Variants in PRKG1 observed in about 807,000 individuals in gnomAD.
The protein encoded by PRKG1 is cGMP-dependent protein kinase 1.
A neutral mutation model predicts 88.1 loss-of-function variants in PRKG1; 35 were observed. The observed-to-expected ratio is 0.40, with a 90% CI of 0.30 to 0.53. PRKG1 has a LOEUF of 0.53. Ranked by LOEUF, PRKG1 falls within the 20% of genes least tolerant of loss-of-function variation. The pLI, the probability that PRKG1 is intolerant of heterozygous loss-of-function variation, is 0.59. For synonymous variants in PRKG1, 303 were observed against 292.5 expected, an observed-to-expected ratio of 1.04 and a Z score of -0.37; for missense variants, 540 against 839.8, an observed-to-expected ratio of 0.64 and a Z score of 4.41.
chr10:51,191,419 A>C (rs1467706318), intron 2 of PRKG1, among the ~76,000 whole-genome samples: 1 of 151,864 alleles, frequency 6.6e-6, no homozygotes, highest in Non-Finnish European at 1.5e-5. Context: ...GTTTGTGGTG[A>C]AGAATAAATG....
chr10:51,872,815 T>C (rs1841193899), intron 4 of PRKG1, among the ~76,000 whole-genome samples: 1 of 152,176 alleles, frequency 6.6e-6, no homozygotes, highest in East Asian at 1.9e-4. Context: ...GTAAACCATA[T>C]GAAATTATTG....
At chr10:51,581,569 G>A (rs778485273) in intron 3 of PRKG1, among the ~76,000 whole-genome samples, 2 of 152,078 alleles carry the variant, frequency 1.3e-5, no homozygotes, top group Non-Finnish European at 2.9e-5. Context: ...AGGAATCTTG[G>A]TGATGTGAAA....
chr10:51,745,114 T>C (rs1837543240), intron 3 of PRKG1, among the ~76,000 whole-genome samples: 1 of 152,160 alleles, frequency 6.6e-6, no homozygotes, highest in South Asian at 2.1e-4. Flanking sequence ...AGATTAAAAA[T>C]AGAAAGTAAA....
At chr10:51,782,178 C>T (rs888155185) in intron 3 of PRKG1, among the ~76,000 whole-genome samples, 1 of 152,040 alleles carries the variant, frequency 6.6e-6, no homozygotes, top group African/African-American at 2.4e-5. Context: ...ATATAAAAAG[C>T]AAATACAGAT....
chr10:51,749,932 C>CTTTT (rs1179911606), intron 3 of PRKG1, among the ~76,000 whole-genome samples: 1 of 131,744 alleles, frequency 7.6e-6, no homozygotes, highest in Admixed American at 7.7e-5. Context: ...CTCTAATAGT[C>CTTTT]TTTTTTTTTT....
intron 9 of PRKG1, among the ~76,000 whole-genome samples, chr10:52,178,941 T>C (rs1564504352): frequency 6.6e-6 from 1 of 151,936 alleles, no homozygotes; most frequent in Non-Finnish European, 1.5e-5. Context: ...GTTTTTTTTT[T>C]TCTCTTTAAT....
chr10:51,512,193 G>GTTTTTTTTTTTTTTTTAT (rs796923024), intron 3 of PRKG1, among the ~76,000 whole-genome samples: 1 of 117,720 alleles, frequency 8.5e-6, no homozygotes. Context: ...TTTTTTTTTA[G>GTTTTTTTTTTTTTTTTAT]TTTTTTTTTT....
rs551135992 is a variant in PRKG1, at chr10:51,623,425, C to T, written c.592+155589C>T. Among the ~76,000 whole-genome samples, 161 of 152,298 alleles carry T rather than the reference C, an allele frequency of 1.1e-3. 3 individuals carry two copies. The South Asian group carries it at 0.021, about 20-fold the overall frequency. On this transcript the variant is annotated intron_variant, in intron 3 of 17. Coordinates refer to ENST00000373980, the MANE Select transcript of PRKG1 (RefSeq NM_006258.4). ...CTATGTTGCTCAGTCTGGTCTCAAA[C>T]TCCTGGGCTCAAGCAGTCTGCCTGC...
At chr10:51,065,570 AGC>A in intron 1 of PRKG1, among the ~76,000 whole-genome samples, 1 of 152,268 alleles carries the variant, frequency 6.6e-6, no homozygotes, top group African/African-American at 2.4e-5. Flanking sequence ...GCTTAAACTA[AGC>A]CTCTGATATG....
chr10:52,104,907 C>T (rs1321594796), intron 7 of PRKG1, among the ~76,000 whole-genome samples: 2 of 152,200 alleles, frequency 1.3e-5, no homozygotes, highest in Admixed American at 1.3e-4. Context: ...TAATATTTTC[C>T]TTTACTTTCG....
At chr10:51,201,796 G>C (rs1353312484) in intron 2 of PRKG1, among the ~76,000 whole-genome samples, 1 of 152,204 alleles carries the variant, frequency 6.6e-6, no homozygotes, top group Non-Finnish European at 1.5e-5. Flanking sequence ...ACCCAACCTT[G>C]CTGGCACCCT....
chr10:52,188,592 C>G lies in PRKG1; in HGVS notation c.1076+26629C>G, dbSNP rs1442394573. Among the ~76,000 whole-genome samples the G allele has an allele frequency of 3.3e-5, 5 of 151,950 alleles. No individual in the cohort carries two copies. The East Asian group carries it at 9.7e-4, about 29-fold the overall frequency. On this transcript the variant is annotated intron_variant, in intron 9 of 17. Transcript: ENST00000373980. Reference sequence around the variant, plus strand: ...AACCATAATGAATGAATATAAATGTCTCCCTCCCAATTCATTTACACTATT... The same window carrying G: ...AACCATAATGAATGAATATAAATGTGTCCCTCCCAATTCATTTACACTATT...
intron 5 of PRKG1, among the ~76,000 whole-genome samples, chr10:52,048,935 C>G (rs1016093541): frequency 2.6e-5 from 4 of 152,090 alleles, no homozygotes; most frequent in Non-Finnish European, 4.4e-5. Context: ...GTGTTAGGCA[C>G]TGTTCAAACT....
intron 2 of PRKG1, among the ~76,000 whole-genome samples, chr10:51,248,611 A>G (rs1180178142): frequency 6.6e-6 from 1 of 151,856 alleles, no homozygotes; most frequent in Non-Finnish European, 1.5e-5. Flanking sequence ...TTATGATGAG[A>G]AAACTCTGAT....
intron 3 of PRKG1, among the ~76,000 whole-genome samples, chr10:51,511,773 A>G (rs1335131920): frequency 2.0e-5 from 3 of 152,230 alleles, no homozygotes; most frequent in Non-Finnish European, 1.5e-5. Flanking sequence ...GGCAGTATCT[A>G]TTAAAGCTGA....
chr10:51,012,572 C>T (rs769114142), intron 1 of PRKG1, among the ~76,000 whole-genome samples: 5 of 152,122 alleles, frequency 3.3e-5, no homozygotes, highest in Admixed American at 2.0e-4. Flanking sequence ...AATTAAGGCA[C>T]GCATTTTAAA....
At chr10:51,986,454 A>G (rs969569764) in intron 5 of PRKG1, among the ~76,000 whole-genome samples, 3 of 152,342 alleles carry the variant, frequency 2.0e-5, no homozygotes, top group African/African-American at 7.2e-5. Flanking sequence ...AGCAAAAAGC[A>G]CTATGATTTT....
intron 3 of PRKG1, among the ~76,000 whole-genome samples, chr10:51,749,996 C>T (rs982986345): frequency 4.8e-5 from 7 of 145,446 alleles, no homozygotes; most frequent in South Asian, 2.2e-4. Context: ...AGTGCAATGG[C>T]GTGATCTTGG....
rs529909653 is a variant in PRKG1 at position 51,727,756 on chromosome 10, GT to G, written c.593-76826del. ...GGAATTGGATGAGGGGTAAATGACTGTTTAAACCTATATTATTGCCTTTTGA... is the reference window on the plus strand; with the variant it reads ...GGAATTGGATGAGGGGTAAATGACTGTTAAACCTATATTATTGCCTTTTGA... On this transcript the variant is annotated intron_variant, in intron 3 of 17. Transcript: ENST00000373980. Among the ~76,000 whole-genome samples, 413 of 152,222 alleles carry G rather than the reference GT, an allele frequency of 2.7e-3. 2 individuals are homozygous for G. The highest frequency in any genetic ancestry group is 9.3e-3 in the African/African-American group (387 of 41,536).
Sources: allele counts gnomAD v4.1 joint callset (sites outside exome capture counted in the v4.1 genomes callset), GRCh38; gene constraint gnomAD v4.1.1; transcripts MANE v1.5; gene names NCBI Gene and HGNC (gene_info 2026-07-23, HGNC 2026-07-21).